Variants in NLGN1 observed in about 807,000 individuals in gnomAD.
NLGN1 encodes the protein neuroligin 1.
NLGN1 carries 12 observed loss-of-function variants against 65.5 expected under a neutral mutation model. The observed-to-expected ratio is 0.18, with a 90% CI of 0.12 to 0.30. The LOEUF is 0.30. Ranked by LOEUF, NLGN1 falls within the 10% of genes least tolerant of loss-of-function variation. NLGN1 has a pLI of 1.00. For missense variants in NLGN1, 750 were observed against 1,007.1 expected (o/e 0.74, Z 3.46); for synonymous variants, 350 against 359.5 (o/e 0.97, Z 0.30).
At chr3:174,103,178 T>C (rs1712935390) in intron 4 of NLGN1, among the ~76,000 whole-genome samples, 1 of 152,194 alleles carries the variant, frequency 6.6e-6, no homozygotes, top group Non-Finnish European at 1.5e-5. Context: ...CATTGCATTT[T>C]TCTACATAGA....
chr3:174,212,919 A>G (rs1736957321), intron 4 of NLGN1, among the ~76,000 whole-genome samples: 2 of 152,140 alleles, frequency 1.3e-5, no homozygotes, highest in African/African-American at 4.8e-5. Flanking sequence ...GGTCCTTTTC[A>G]TATCATACCG....
chr3:174,129,265 A>G (rs1329993616), intron 4 of NLGN1, among the ~76,000 whole-genome samples: 3 of 151,872 alleles, frequency 2.0e-5, no homozygotes, highest in Non-Finnish European at 4.4e-5. Flanking sequence ...TTAAAGAGGT[A>G]AAAATCTCGT....
intron 1 of NLGN1, among the ~76,000 whole-genome samples, chr3:173,410,946 G>T (rs1712416156): frequency 6.6e-6 from 1 of 152,194 alleles, no homozygotes; most frequent in Non-Finnish European, 1.5e-5. Flanking sequence ...AAAATATTCA[G>T]AAGAGCTTCA....
At chr3:174,201,047 G>A (rs1232105586) in intron 4 of NLGN1, among the ~76,000 whole-genome samples, 6 of 152,000 alleles carry the variant, frequency 3.9e-5, no homozygotes, top group Non-Finnish European at 5.9e-5. Flanking sequence ...GACCAGCCTA[G>A]ACAACATAAT....
chr3:173,852,868 C>T (rs1306576950), intron 4 of NLGN1, among the ~76,000 whole-genome samples: 1 of 152,140 alleles, frequency 6.6e-6, no homozygotes, highest in African/African-American at 2.4e-5. Flanking sequence ...AATACAGTAT[C>T]ATTTTGCTTT....
intron 4 of NLGN1, among the ~76,000 whole-genome samples, chr3:173,866,597 A>G (rs1023668029): frequency 6.6e-6 from 1 of 152,218 alleles, no homozygotes; most frequent in Non-Finnish European, 1.5e-5. Flanking sequence ...AGTTGATTTT[A>G]TATTCTCAAC....
chr3:174,257,480 G>A (rs535670589), intron 4 of NLGN1, among the ~76,000 whole-genome samples: 10 of 152,022 alleles, frequency 6.6e-5, no homozygotes, highest in African/African-American at 1.9e-4. Context: ...AGCACTATTC[G>A]CAAATAGCAA....
At chr3:173,893,590 T>C (rs78872307) in intron 4 of NLGN1, among the ~76,000 whole-genome samples, 2,388 of 152,254 alleles carry the variant, frequency 0.016, 63 homozygotes, top group African/African-American at 0.051. Context: ...ACCCTAAAGG[T>C]CATCAAATCC....
At chr3:174,192,918 G>T (rs1000026118) in intron 4 of NLGN1, among the ~76,000 whole-genome samples, 2 of 151,916 alleles carry the variant, frequency 1.3e-5, no homozygotes, top group Admixed American at 6.6e-5. Flanking sequence ...CTAAACTCCT[G>T]TGTGTTTTGT....
intron 3 of NLGN1, among the ~76,000 whole-genome samples, chr3:173,646,585 G>A (rs1239947881): frequency 6.6e-6 from 1 of 152,152 alleles, no homozygotes; most frequent in Non-Finnish European, 1.5e-5. Context: ...TTGTGTGCAA[G>A]TATCAAAATA....
intron 2 of NLGN1, among the ~76,000 whole-genome samples, chr3:173,579,334 A>C (rs751416303): frequency 1.3e-5 from 2 of 152,150 alleles, no homozygotes; most frequent in African/African-American, 4.8e-5. Context: ...AATTAGCCTG[A>C]TGTGATGGCA....
chr3:173,658,261 C>T (rs1337256380), intron 3 of NLGN1, among the ~76,000 whole-genome samples: 1 of 151,870 alleles, frequency 6.6e-6, no homozygotes, highest in Non-Finnish European at 1.5e-5. Flanking sequence ...TCTGTTGCTA[C>T]CAGGTATGTG....
intron 4 of NLGN1, among the ~76,000 whole-genome samples, chr3:174,241,951 C>A (rs943004483): frequency 3.3e-5 from 5 of 152,186 alleles, no homozygotes; most frequent in African/African-American, 1.2e-4. Context: ...AGCCACCGGG[C>A]CCGGCCCCAA....
chr3:174,274,819 A>ATCTT (rs149821582), intron 4 of NLGN1, among the ~76,000 whole-genome samples: 3,377 of 151,832 alleles, frequency 0.022, 128 homozygotes, highest in African/African-American at 0.076. Flanking sequence ...AGTTTACAAA[A>ATCTT]TCTTTCTCTA....
chr3:174,023,625 C>G (rs1407113566), intron 4 of NLGN1, among the ~76,000 whole-genome samples: 1 of 152,144 alleles, frequency 6.6e-6, no homozygotes, highest in Non-Finnish European at 1.5e-5. Flanking sequence ...TGAGAACTCC[C>G]TGAAGTGGCT....
At chr3:174,008,344 A>G (rs1225205960) in intron 4 of NLGN1, among the ~76,000 whole-genome samples, 1 of 137,816 alleles carries the variant, frequency 7.3e-6, no homozygotes, top group Non-Finnish European at 1.6e-5. Context: ...ATAATATCCA[A>G]CCCGTCCCCC....
chr3:173,754,092 G>A (rs1032736693), intron 3 of NLGN1, among the ~76,000 whole-genome samples: 3 of 148,582 alleles, frequency 2.0e-5, no homozygotes, highest in East Asian at 2.0e-4. Context: ...CACCCAGAGC[G>A]GGGTAGTGCA....
chr3:173,399,183 A>G (rs1406286749), intron 1 of NLGN1, among the ~76,000 whole-genome samples: 1 of 152,236 alleles, frequency 6.6e-6, no homozygotes, highest in Admixed American at 6.5e-5. Context: ...AGAAAGTGGA[A>G]GTTAATCATT....
intron 2 of NLGN1, among the ~76,000 whole-genome samples, chr3:173,508,506 A>G (rs75917455): frequency 1.3e-5 from 2 of 152,256 alleles, no homozygotes; most frequent in South Asian, 2.1e-4. Flanking sequence ...CGTATTATAC[A>G]TCTGCAGGAA....
Sources: gnomAD v4.1 joint callset for allele counts (sites outside exome capture counted in the v4.1 genomes callset) on GRCh38, gnomAD v4.1.1 for gene constraint, MANE v1.5 for transcripts, NCBI Gene and HGNC (gene_info 2026-07-23, HGNC 2026-07-21) for gene names.